PKHD1L1: variants seen among roughly 807,000 people sequenced by gnomAD.
PKHD1L1 encodes PKHD1 like 1.
Under a neutral mutation model 462.9 loss-of-function variants are expected in PKHD1L1, and 434 were observed. The ratio of observed to expected loss-of-function variants is 0.94; its 90% CI spans 0.87 to 1.02. The LOEUF is 1.02. Among genes scored for constraint, PKHD1L1 ranks in the 50% least tolerant of loss-of-function variants. The probability of loss-of-function intolerance (pLI) is 0.00; values close to 1 mark genes in which losing one functional copy is unlikely to be tolerated. For synonymous variants in PKHD1L1, 1,781 were observed against 1,750.0 expected, an observed-to-expected ratio of 1.02 and a Z score of -0.44; for missense variants, 5,202 against 5,096.1, an observed-to-expected ratio of 1.02 and a Z score of -0.63.
At position 109,533,680 on chromosome 8, in the gene PKHD1L1, G is replaced by C. The variant is rs1821091288; in HGVS notation, c.*3590G>C. On this transcript the variant is annotated 3_prime_UTR_variant, in exon 78 of 78. Coordinates refer to ENST00000378402, the MANE Select transcript of PKHD1L1 (RefSeq NM_177531.6). ...CCCTTTCTGTTTTTCCAGCTACATG[G>C]AGCAAGATGGCTCCTGAGACCTGGA... Among the ~76,000 whole-genome samples, 1 of 152,068 alleles carries C rather than the reference G, an allele frequency of 6.6e-6. No homozygotes were observed. Among genetic ancestry groups the C allele is most frequent in the South Asian group, 2.1e-4 (1 of 4,828 alleles).
chr8:109,461,472 G>A (rs899193713), intron 47 of PKHD1L1, among the ~76,000 whole-genome samples: 1 of 152,096 alleles, frequency 6.6e-6, no homozygotes, highest in Admixed American at 6.6e-5. Flanking sequence ...CTTGGGGAAG[G>A]CTTCATAAAT....
chr8:109,420,707 G>T lies in PKHD1L1; in HGVS notation c.2697+17G>T. 2 of 1,492,496 alleles carry T rather than the reference G, an allele frequency of 1.3e-6. No individual in the cohort carries two copies. Among genetic ancestry groups the T allele is most frequent in the South Asian group, 1.4e-5 (1 of 71,532 alleles). The allele number at this position is 1,492,496 out of a possible 1,614,324, so 92.5% of individuals were successfully genotyped here. A position where few individuals can be genotyped will look rare whatever the true frequency, so the allele number is the denominator to read the frequency against. On this transcript the variant is annotated intron_variant, in intron 23 of 77. Transcript: ENST00000378402. The stretch of plus-strand genomic sequence containing the variant: ...TTTGGGCAGGTAAGCCTAGAATTTT[G>T]CATTAATTTTTATGTAGTGAATTTT...
At position 109,445,283 on chromosome 8, in the gene PKHD1L1, T is replaced by A. The variant is rs375460225; in HGVS notation, c.5414T>A (p.Leu1805His). The change falls in exon 38 of 78, where the codon CTC becomes CAC. Residue 1805 changes from leucine to histidine, a missense_variant. Leu to His is a moderately conservative substitution (Grantham distance 99, BLOSUM62 -3). Coordinates refer to ENST00000378402, the MANE Select transcript of PKHD1L1 (RefSeq NM_177531.6). Reference protein sequence around the residue: ...ENNITALVTPLPVGHHSVSVV... With the variant: ...ENNITALVTPHPVGHHSVSVV... ...AACATCACTGCTCTTGTGACTCCTC[T>A]CCCAGTTGGACATCATTCTGTTAGT... The A allele has an allele frequency of 3.7e-5, 60 of 1,613,880 alleles. No homozygotes were observed. Among genetic ancestry groups the A allele is most frequent in the Non-Finnish European group, 5.0e-5 (59 of 1,179,892 alleles).
chr8:109,364,641 C>G lies in PKHD1L1; in HGVS notation c.163+5C>G. 2.8e-5 allele frequency: 34 copies of G among 1,224,982 alleles called. No individual in the cohort carries two copies. Among genetic ancestry groups the G allele is most frequent in the South Asian group, 4.4e-5 (3 of 68,616 alleles). 75.9% of individuals were successfully genotyped at this position (1,224,982 alleles called of 1,614,324 possible). On this transcript the variant is annotated splice_donor_5th_base_variant and intron_variant, in intron 2 of 77. Coordinates refer to ENST00000378402, the MANE Select transcript of PKHD1L1 (RefSeq NM_177531.6). Reference sequence around the variant, plus strand: ...GGCTGACTATAAGAGGGGAAGGTATCGTTGCTTTTTTTTTTTTTTTTTTGC... The same window carrying G: ...GGCTGACTATAAGAGGGGAAGGTATGGTTGCTTTTTTTTTTTTTTTTTTGC...
intron 52 of PKHD1L1, 138 bp downstream of exon 52, chr8:109,476,805 G>A: frequency 1.3e-6 from 1 of 751,122 alleles, no homozygotes; most frequent in Non-Finnish European, 2.0e-6. Flanking sequence ...TGGAAAAACT[G>A]GAGACAAAAT....
intron 67 of PKHD1L1, among the ~76,000 whole-genome samples, chr8:109,502,044 C>G (rs2130956372): frequency 6.6e-6 from 1 of 152,096 alleles, no homozygotes; most frequent in African/African-American, 2.4e-5. Context: ...TTGGAAAGAT[C>G]TTCCCACACC....
intron 43 of PKHD1L1, among the ~76,000 whole-genome samples, chr8:109,453,780 A>G (rs1816668765): frequency 6.6e-6 from 1 of 152,172 alleles, no homozygotes; most frequent in Non-Finnish European, 1.5e-5. Flanking sequence ...TGACATTATA[A>G]TGGTTTTTAT....
At chr8:109,490,648 GA>G (rs1207753935) in intron 60 of PKHD1L1, among the ~76,000 whole-genome samples, 3 of 151,420 alleles carry the variant, frequency 2.0e-5, no homozygotes, top group Non-Finnish European at 4.4e-5. Flanking sequence ...AAACTATTCT[GA>G]AAAAATAAAT....
intron 49 of PKHD1L1, among the ~76,000 whole-genome samples, chr8:109,465,745 G>T (rs1817407341): frequency 6.6e-6 from 1 of 152,108 alleles, no homozygotes; most frequent in Non-Finnish European, 1.5e-5. Context: ...TCACAAACCA[G>T]CTGTGAACCC....
chr8:109,498,087 C>CTTTTTT (rs71305953), intron 65 of PKHD1L1, among the ~76,000 whole-genome samples: 58 of 58,964 alleles, frequency 9.8e-4, no homozygotes, highest in Non-Finnish European at 1.1e-3. Context: ...ATCATGTTTT[C>CTTTTTT]TTTTTTTTTT....
chr8:109,442,064 C>T lies in PKHD1L1; in HGVS notation c.4262C>T (p.Thr1421Ile), dbSNP rs748215728. 6.2e-7 allele frequency: 1 copy of T among 1,613,268 alleles called. No homozygotes were observed. Among genetic ancestry groups the T allele is most frequent in the Non-Finnish European group, 8.5e-7 (1 of 1,179,550 alleles). ...PPVLNVSVGD[T>I]VAWHWQTHPF... The stretch of plus-strand genomic sequence containing the variant: ...GTCCTAAATGTGTCTGTGGGGGACA[C>T]AGTGGCATGGCATTGGCAAACACAT... The change falls in exon 35 of 78, where the codon ACA becomes ATA. Residue 1421 changes from threonine (T) to isoleucine (I), a missense_variant. Around this residue, in one of 3 missense-constraint regions of PKHD1L1, gnomAD observed 4,497 missense variants for 4,336.8 expected, o/e 1.04. Coordinates refer to ENST00000378402, the MANE Select transcript of PKHD1L1 (RefSeq NM_177531.6).
chr8:109,478,544 C>T (rs1305558520), intron 53 of PKHD1L1, among the ~76,000 whole-genome samples: 3 of 151,870 alleles, frequency 2.0e-5, no homozygotes, highest in Non-Finnish European at 2.9e-5. Context: ...CCAACTGCAA[C>T]CCAAAGGATA....
chr8:109,509,871 G>C (rs1266083775), intron 70 of PKHD1L1, among the ~76,000 whole-genome samples: 1 of 152,010 alleles, frequency 6.6e-6, no homozygotes, highest in Non-Finnish European at 1.5e-5. Flanking sequence ...AGGAAATTCA[G>C]AAAACCTAAT....
chr8:109,453,919 A>G (rs2073936073), intron 43 of PKHD1L1, among the ~76,000 whole-genome samples: 1 of 152,200 alleles, frequency 6.6e-6, no homozygotes, highest in African/African-American at 2.4e-5. Flanking sequence ...TGTTCAAGGG[A>G]AAATAATCTT....
rs1288669625 is a variant in PKHD1L1 at position 109,533,986 on chromosome 8, A to C, written c.*3896A>C. On this transcript the variant is annotated 3_prime_UTR_variant, in exon 78 of 78. Transcript: ENST00000378402. ...CCAGCCCTTGCTCCTTTAGGGTTTC[A>C]TTGTTATTTGGTGGTTATCCTAAAT... Among the ~76,000 whole-genome samples, 1 of 152,166 alleles carries C rather than the reference A, an allele frequency of 6.6e-6. No individual in the cohort carries two copies. The highest frequency in any genetic ancestry group is 1.9e-4 in the East Asian group (1 of 5,196).
At chr8:109,461,459 A>T (rs1817120441) in intron 47 of PKHD1L1, among the ~76,000 whole-genome samples, 1 of 152,168 alleles carries the variant, frequency 6.6e-6, no homozygotes, top group Non-Finnish European at 1.5e-5. Context: ...TTAATCCTCA[A>T]ATCTTGGGGA....
intron 73 of PKHD1L1, among the ~76,000 whole-genome samples, chr8:109,521,554 A>G (rs1820550006): frequency 6.6e-6 from 1 of 152,262 alleles, no homozygotes; most frequent in Admixed American, 6.5e-5. Context: ...TAGGCTTCTG[A>G]AAAAAGGAAT....
At chr8:109,516,898 G>A (rs1820295512) in intron 72 of PKHD1L1, among the ~76,000 whole-genome samples, 1 of 152,112 alleles carries the variant, frequency 6.6e-6, no homozygotes, top group African/African-American at 2.4e-5. Context: ...ATAATTAATA[G>A]TGGAATAAGG....
At chr8:109,466,865 T>C (rs980743084) in intron 50 of PKHD1L1, 96 bp downstream of exon 50, 6 of 1,125,342 alleles carry the variant, frequency 5.3e-6, no homozygotes, top group Middle Eastern at 2.4e-4. Flanking sequence ...TGTTCAAACA[T>C]TGCAAAAAGT....
Sources: allele counts gnomAD v4.1 joint callset (sites outside exome capture counted in the v4.1 genomes callset), GRCh38; gene constraint gnomAD v4.1.1; regional missense constraint gnomAD v4.1.1; transcripts MANE v1.5; gene names NCBI Gene and HGNC (gene_info 2026-07-23, HGNC 2026-07-21).